Variants in WIPI1 observed in about 807,000 individuals in gnomAD.
WIPI1 encodes the protein WD repeat domain, phosphoinositide interacting 1.
In WIPI1, 45 loss-of-function variants were observed where a neutral mutation model predicts 55.3. The ratio of observed to expected loss-of-function variants is 0.81; its 90% CI spans 0.64 to 1.04. The LOEUF is 1.04. WIPI1 is among the 50% of genes least tolerant of loss of function. The pLI, the probability that WIPI1 is intolerant of heterozygous loss-of-function variation, is 0.00. For synonymous variants in WIPI1, 195 were observed against 217.6 expected (o/e 0.90, Z 0.92); for missense variants, 445 against 559.0 (o/e 0.80, Z 2.06).
intron 8 of WIPI1, among the ~76,000 whole-genome samples, chr17:68,431,234 A>AC (rs2083496468): frequency 6.6e-6 from 1 of 152,150 alleles, no homozygotes; most frequent in Non-Finnish European, 1.5e-5. Flanking sequence ...CTAGTCCAGG[A>AC]CCACAGAGGA....
rs549919967 is a variant in WIPI1 at position 68,452,465 on chromosome 17, T to G, written c.163+445A>C. 1.2e-3 allele frequency among the ~76,000 whole-genome samples: 180 copies of G among 152,272 alleles called. 2 individuals carry two copies. The highest frequency in any genetic ancestry group is 5.4e-4 in the Non-Finnish European group (37 of 68,016). ...CTGTAATCTCATCTACTTGGGAGGC[T>G]GAGGCAGGAGAATCACTTGAACCCA... On this transcript the variant is annotated intron_variant, in intron 2 of 12. Transcript: ENST00000262139.
At chr17:68,451,655 T>C (rs899281341) in intron 2 of WIPI1, among the ~76,000 whole-genome samples, 6 of 152,202 alleles carry the variant, frequency 3.9e-5, no homozygotes, top group African/African-American at 1.4e-4. Flanking sequence ...GCTTCAGAAT[T>C]CTTCTTGTCC....
intron 12 of WIPI1, chr17:68,422,049 G>A: frequency 1.7e-6 from 1 of 572,610 alleles, no homozygotes. Context: ...GTCTCTGTGT[G>A]TGTGTGTATG....
intron 4 of WIPI1, among the ~76,000 whole-genome samples, chr17:68,440,400 C>T (rs2084025882): frequency 6.6e-6 from 1 of 152,122 alleles, no homozygotes; most frequent in South Asian, 2.1e-4. Flanking sequence ...ACAGGTGTTA[C>T]ACAAAGCCTT....
At chr17:68,454,415 A>AT (rs899955141) in intron 1 of WIPI1, among the ~76,000 whole-genome samples, 6 of 152,056 alleles carry the variant, frequency 3.9e-5, no homozygotes, top group East Asian at 3.8e-4. Context: ...TTTCCCTGGA[A>AT]TTTTTTTTCC....
rs1408019528 is a variant in WIPI1 at position 68,421,488 on chromosome 17, A to C, written c.*285T>G. On this transcript the variant is annotated 3_prime_UTR_variant, in exon 13 of 13. Coordinates refer to ENST00000262139, the MANE Select transcript of WIPI1 (RefSeq NM_017983.7). ...TTAAAAAGGAGGCCCCTTTTAATAT[A>C]AAATTCCGGTTATATACCAATATGG... The C allele has an allele frequency of 2.4e-6, 1 of 415,574 alleles. No homozygotes were observed. Among genetic ancestry groups the C allele is most frequent in the Non-Finnish European group, 4.4e-6 (1 of 227,360 alleles). The allele number at this position is 415,574 out of a possible 1,614,324, so 25.7% of individuals were successfully genotyped here. A position where few individuals can be genotyped will look rare whatever the true frequency, so the allele number is the denominator to read the frequency against.
intron 8 of WIPI1, among the ~76,000 whole-genome samples, chr17:68,430,811 G>A (rs2083474936): frequency 6.6e-6 from 1 of 152,184 alleles, no homozygotes; most frequent in Admixed American, 6.5e-5. Flanking sequence ...ACAGAGGGTG[G>A]CACATTGAGA....
At chr17:68,455,286 C>T (rs2084617859) in intron 1 of WIPI1, among the ~76,000 whole-genome samples, 1 of 151,138 alleles carries the variant, frequency 6.6e-6, no homozygotes, top group Non-Finnish European at 1.5e-5. Context: ...TCGCTTGAAC[C>T]CTGGGAGGCA....
intron 10 of WIPI1, among the ~76,000 whole-genome samples, chr17:68,428,087 G>A (rs2147788672): frequency 6.6e-6 from 1 of 151,788 alleles, no homozygotes; most frequent in African/African-American, 2.4e-5. Flanking sequence ...TTGTAAGGAT[G>A]GGGTTTCACC....
At chr17:68,437,587 G>C (rs1262750586) in intron 4 of WIPI1, among the ~76,000 whole-genome samples, 1 of 151,880 alleles carries the variant, frequency 6.6e-6, no homozygotes, top group Non-Finnish European at 1.5e-5. Flanking sequence ...CAATTTCTGA[G>C]CCAAATGCCC....
At chr17:68,454,889 A>AGTGATGTTTTAT (rs74269539) in intron 1 of WIPI1, among the ~76,000 whole-genome samples, 271 of 152,030 alleles carry the variant, frequency 1.8e-3, no homozygotes, top group Admixed American at 0.011. Context: ...AAAATCACAG[A>AGTGATGTTTTAT]GTGATGTTTT....
Position 68,455,033 on chromosome 17 carries a change from T to G in WIPI1, c.81-2041A>C, listed in dbSNP as rs377194023. On this transcript the variant is annotated intron_variant, in intron 1 of 12. Coordinates refer to ENST00000262139, the MANE Select transcript of WIPI1 (RefSeq NM_017983.7). ...AATCACCACTCATGGAAACAGAGCTTGGGACAAATATTTATCATTAATCAA... is the reference window on the plus strand; with the variant it reads ...AATCACCACTCATGGAAACAGAGCTGGGGACAAATATTTATCATTAATCAA... Among the ~76,000 whole-genome samples the G allele has an allele frequency of 3.9e-5, 6 of 152,302 alleles. 2 individuals carry two copies. Among genetic ancestry groups the G allele is most frequent in the Admixed American group, 1.3e-4 (2 of 15,302 alleles).
chr17:68,457,463 A>T lies in WIPI1; in HGVS notation c.-42T>A. On this transcript the variant is annotated 5_prime_UTR_variant, in exon 1 of 13. Coordinates refer to ENST00000262139, the MANE Select transcript of WIPI1 (RefSeq NM_017983.7). The stretch of plus-strand genomic sequence containing the variant: ...GAAGCCGCAGCTCGGAGCCGGCGAC[A>T]GCCACCTCAGCAGCCCGCCCGCGCC... 7.1e-7 allele frequency: 1 copy of T among 1,417,204 alleles called. No individual in the cohort carries two copies. The highest frequency in any genetic ancestry group is 9.2e-7 in the Non-Finnish European group (1 of 1,085,366). The allele number at this position is 1,417,204 out of a possible 1,614,324, so 87.8% of individuals were successfully genotyped here. A position where few individuals can be genotyped will look rare whatever the true frequency, so the allele number is the denominator to read the frequency against.
chr17:68,422,295 C>T (rs1033383113), intron 12 of WIPI1: 12 of 162,110 alleles, frequency 7.4e-5, no homozygotes, highest in East Asian at 3.3e-4. Flanking sequence ...GGCATGGTGG[C>T]GCTCACCTGT....
chr17:68,444,506 A>G lies in WIPI1; in HGVS notation c.417T>C (p.Pro139=), dbSNP rs940531163. The G allele has an allele frequency of 1.2e-5, 19 of 1,613,706 alleles. No homozygotes were observed. In the African/African-American group the frequency reaches 2.0e-4, roughly 17 times the overall value. ...MKLLKTLLDI[P]ANPTGLCALS... Reference sequence around the variant, plus strand: ...TTTGGAGCTCACCTGTTGGGTTTGCAGGAATATCCAGGAGGGTCTTCAACA... The same window carrying G: ...TTTGGAGCTCACCTGTTGGGTTTGCGGGAATATCCAGGAGGGTCTTCAACA... Residue 139 remains proline, a synonymous_variant, in exon 4 of 13, where the codon CCT becomes CCC. Transcript: ENST00000262139.
At chr17:68,456,057 AAG>A (rs2084638214) in intron 1 of WIPI1, among the ~76,000 whole-genome samples, 1 of 152,216 alleles carries the variant, frequency 6.6e-6, no homozygotes, top group Non-Finnish European at 1.5e-5. Context: ...CTTAGAAAAA[AAG>A]GACACAGAAA....
intron 8 of WIPI1, among the ~76,000 whole-genome samples, chr17:68,432,568 C>T (rs1274074602): frequency 6.6e-6 from 1 of 152,034 alleles, no homozygotes; most frequent in African/African-American, 2.4e-5. Context: ...GGTGCCCGGC[C>T]TCTGTCATGT....
intron 8 of WIPI1, among the ~76,000 whole-genome samples, chr17:68,432,187 G>A (rs770179962): frequency 2.0e-5 from 3 of 152,152 alleles, no homozygotes; most frequent in Non-Finnish European, 1.5e-5. Flanking sequence ...GAAGGGAGCC[G>A]CCCCCAGTGT....
At chr17:68,421,847 T>A in intron 12 of WIPI1, 27 bp from the exon 13 acceptor site, 1 of 1,614,116 alleles carries the variant, frequency 6.2e-7, no homozygotes, top group Non-Finnish European at 8.5e-7. Context: ...AGAATGGCCT[T>A]ACTCTTCTCA....
Sources: gnomAD v4.1 joint callset for allele counts (sites outside exome capture counted in the v4.1 genomes callset) on GRCh38, gnomAD v4.1.1 for gene constraint, MANE v1.5 for transcripts, NCBI Gene and HGNC (gene_info 2026-07-23, HGNC 2026-07-21) for gene names.